ACTR3B: variants seen among roughly 807,000 people sequenced by gnomAD.
The protein encoded by ACTR3B is actin related protein 3B.
ACTR3B carries 8 observed loss-of-function variants against 59.0 expected under a neutral mutation model. The ratio of observed to expected loss-of-function variants is 0.14; its 90% CI spans 0.08 to 0.24. The LOEUF is 0.24. Ranked by LOEUF, ACTR3B falls within the 10% of genes least tolerant of loss-of-function variation. ACTR3B has a pLI of 1.00. For missense variants in ACTR3B, 245 were observed against 552.3 expected (o/e 0.44, Z 5.58); for synonymous variants, 148 against 197.9 (o/e 0.75, Z 2.12).
chr7:152,785,511 G>A (rs1429369067), intron 2 of ACTR3B, among the ~76,000 whole-genome samples: 9 of 113,104 alleles, frequency 8.0e-5, no homozygotes, highest in Non-Finnish European at 1.7e-4. Context: ...GAGAGAGAGA[G>A]GAGAGAGAAG....
At chr7:152,821,898 A>G (rs1796198906) in intron 7 of ACTR3B, among the ~76,000 whole-genome samples, 1 of 152,246 alleles carries the variant, frequency 6.6e-6, no homozygotes, top group African/African-American at 2.4e-5. Flanking sequence ...GGAGTGTGTA[A>G]CGTGAGCACA....
At chr7:152,832,820 C>T (rs1203184233) in intron 9 of ACTR3B, among the ~76,000 whole-genome samples, 1 of 152,214 alleles carries the variant, frequency 6.6e-6, no homozygotes, top group African/African-American at 2.4e-5. Context: ...AGTTTTTGTT[C>T]TTGAGACCTT....
intron 4 of ACTR3B, among the ~76,000 whole-genome samples, chr7:152,803,222 T>A (rs1453409256): frequency 6.6e-6 from 1 of 152,108 alleles, no homozygotes; most frequent in African/African-American, 2.4e-5. Flanking sequence ...TTTTTAAAAA[T>A]TTTTTTGTGG....
intron 1 of ACTR3B, among the ~76,000 whole-genome samples, chr7:152,775,775 T>C (rs575074215): frequency 1.3e-5 from 2 of 150,576 alleles, no homozygotes; most frequent in Admixed American, 6.6e-5. Flanking sequence ...AAAAAAAAAT[T>C]GGGGGCAAAT....
chr7:152,772,482 G>C (rs1356427572), intron 1 of ACTR3B, among the ~76,000 whole-genome samples: 1 of 152,118 alleles, frequency 6.6e-6, no homozygotes, highest in Non-Finnish European at 1.5e-5. Flanking sequence ...TTGTGACTGC[G>C]CCACTGCACT....
At chr7:152,815,098 A>T (rs1795581338) in intron 5 of ACTR3B, among the ~76,000 whole-genome samples, 1 of 151,140 alleles carries the variant, frequency 6.6e-6, no homozygotes, top group Admixed American at 6.6e-5. Context: ...TTGGTGTGAT[A>T]TTTTTTGGTT....
intron 10 of ACTR3B, among the ~76,000 whole-genome samples, chr7:152,853,213 G>T (rs770144063): frequency 1.5e-4 from 23 of 152,048 alleles, no homozygotes; most frequent in Non-Finnish European, 2.9e-4. Context: ...TAATTGCTTG[G>T]ATTTTGTGCT....
intron 2 of ACTR3B, among the ~76,000 whole-genome samples, chr7:152,796,720 G>A (rs2098217597): frequency 8.7e-6 from 1 of 115,112 alleles, no homozygotes; most frequent in Non-Finnish European, 2.0e-5. Flanking sequence ...TTTTTTGTTT[G>A]TTTGTTTTGT....
At chr7:152,822,397 T>C (rs546558982) in intron 7 of ACTR3B, among the ~76,000 whole-genome samples, 52 of 152,148 alleles carry the variant, frequency 3.4e-4, no homozygotes, top group Admixed American at 6.5e-4. Flanking sequence ...TAAGGACACA[T>C]ATCAACACAA....
At chr7:152,780,950 G>A (rs1380795553) in intron 1 of ACTR3B, among the ~76,000 whole-genome samples, 1 of 151,076 alleles carries the variant, frequency 6.6e-6, no homozygotes, top group Non-Finnish European at 1.5e-5. Flanking sequence ...GGCTTAACGG[G>A]TCCTCTTGCC....
At chr7:152,831,426 G>C (rs531890674) in intron 9 of ACTR3B, among the ~76,000 whole-genome samples, 2 of 152,338 alleles carry the variant, frequency 1.3e-5, no homozygotes, top group African/African-American at 4.8e-5. Flanking sequence ...GTGAGGATCT[G>C]GGTCCGTGCT....
chr7:152,766,467 T>C (rs529111013), intron 1 of ACTR3B, among the ~76,000 whole-genome samples: 2 of 152,262 alleles, frequency 1.3e-5, no homozygotes, highest in Non-Finnish European at 2.9e-5. Context: ...TGAACTACTT[T>C]TAGCATTTAG....
chr7:152,775,836 A>G lies in ACTR3B; in HGVS notation c.45-7351A>G, dbSNP rs192026277. 5.9e-4 allele frequency among the ~76,000 whole-genome samples: 90 copies of G among 152,308 alleles called. 2 individuals carry two copies. In the Middle Eastern group the frequency reaches 0.014, roughly 23 times the overall value. ...AAGCATTGGAAAGATACACAGGAAT[A>G]GAAGGTGGATAGAAGGCAGAAATGA... On this transcript the variant is annotated intron_variant, in intron 1 of 11. Transcript: ENST00000256001.
intron 9 of ACTR3B, among the ~76,000 whole-genome samples, chr7:152,847,421 C>T (rs1798438893): frequency 6.6e-6 from 1 of 152,102 alleles, no homozygotes; most frequent in African/African-American, 2.4e-5. Flanking sequence ...AAATGAGAAC[C>T]CAGCATCCTT....
chr7:152,762,144 G>C (rs2098091318), intron 1 of ACTR3B, among the ~76,000 whole-genome samples: 1 of 152,118 alleles, frequency 6.6e-6, no homozygotes, highest in African/African-American at 2.4e-5. Flanking sequence ...CAGTATCCTT[G>C]AATCCTCCTC....
At chr7:152,769,248 A>G (rs998031811) in intron 1 of ACTR3B, among the ~76,000 whole-genome samples, 4 of 151,936 alleles carry the variant, frequency 2.6e-5, no homozygotes, top group African/African-American at 9.7e-5. Context: ...GTCTCCTCGC[A>G]TTTTCTGTGG....
At chr7:152,808,462 G>T (rs1305691144) in intron 4 of ACTR3B, among the ~76,000 whole-genome samples, 1 of 151,556 alleles carries the variant, frequency 6.6e-6, no homozygotes, top group Non-Finnish European at 1.5e-5. Flanking sequence ...GGATTTATTT[G>T]TATCATCATT....
intron 2 of ACTR3B, among the ~76,000 whole-genome samples, chr7:152,797,025 A>G (rs748982021): frequency 6.6e-6 from 1 of 151,522 alleles, no homozygotes; most frequent in Admixed American, 6.6e-5. Context: ...GCCTAGAAAC[A>G]TTATTTACTC....
rs1231482119 is a variant in ACTR3B, at chr7:152,761,655, AGAAACGGT to A, written c.44+1731_44+1738del. 2.8e-3 allele frequency among the ~76,000 whole-genome samples: 431 copies of A among 152,320 alleles called. 3 individuals are homozygous for A. Among genetic ancestry groups the A allele is most frequent in the African/African-American group, 9.9e-3 (412 of 41,562 alleles). On this transcript the variant is annotated intron_variant, in intron 1 of 11. Transcript: ENST00000256001. Reference sequence around the variant, plus strand: ...GCTTCAGAAGTTGGTGTCAAGACTTAGAAACGGTGGCAGGGAATCTCCATATGAATTCC... The same window carrying A: ...GCTTCAGAAGTTGGTGTCAAGACTTAGGCAGGGAATCTCCATATGAATTCC...
Sources: gnomAD v4.1 joint callset for allele counts (sites outside exome capture counted in the v4.1 genomes callset) on GRCh38, gnomAD v4.1.1 for gene constraint, MANE v1.5 for transcripts, NCBI Gene and HGNC (gene_info 2026-07-23, HGNC 2026-07-21) for gene names.